Variants in SLC30A8 observed in about 807,000 individuals in gnomAD.
SLC30A8 encodes solute carrier family 30 member 8.
Under a neutral mutation model 36.9 loss-of-function variants are expected in SLC30A8, and 27 were observed. The observed-to-expected ratio is 0.73, with a 90% CI of 0.54 to 1.01. The LOEUF (loss-of-function observed/expected upper bound fraction) is 1.01. SLC30A8 is among the 50% of genes least tolerant of loss of function. The pLI is 0.00. For missense variants in SLC30A8, 439 were observed against 452.0 expected, an observed-to-expected ratio of 0.97 and a Z score of 0.26; for synonymous variants, 164 against 172.4, an observed-to-expected ratio of 0.95 and a Z score of 0.38.
chr8:117,045,709 C>T (rs981765026), intron 2 of SLC30A8, among the ~76,000 whole-genome samples: 1 of 152,194 alleles, frequency 6.6e-6, no homozygotes, highest in Non-Finnish European at 1.5e-5. Flanking sequence ...CTGCTCGCAG[C>T]AGCAGTCCTT....
At chr8:116,990,640 T>C (rs980783842) in intron 1 of SLC30A8, among the ~76,000 whole-genome samples, 2 of 152,106 alleles carry the variant, frequency 1.3e-5, no homozygotes, top group African/African-American at 4.8e-5. Flanking sequence ...CAATGTGGTG[T>C]CTCGGAATGG....
intron 2 of SLC30A8, among the ~76,000 whole-genome samples, chr8:117,040,875 C>T (rs995359567): frequency 6.6e-6 from 1 of 152,008 alleles, no homozygotes; most frequent in East Asian, 1.9e-4. Flanking sequence ...CTCCTGAATT[C>T]GAATCTACAT....
chr8:117,145,354 A>G (rs1042832367), intron 1 of SLC30A8, among the ~76,000 whole-genome samples: 1 of 151,720 alleles, frequency 6.6e-6, no homozygotes, highest in Admixed American at 6.6e-5. Flanking sequence ...TTTTCCCTCT[A>G]CTTTGTGATT....
At chr8:116,955,894 A>G (rs1814182086) in intron 1 of SLC30A8, among the ~76,000 whole-genome samples, 1 of 152,124 alleles carries the variant, frequency 6.6e-6, no homozygotes, top group Non-Finnish European at 1.5e-5. Context: ...CAGAACTGTG[A>G]GAGAAAAAAT....
At chr8:117,031,759 C>T (rs2130740826) in intron 1 of SLC30A8, among the ~76,000 whole-genome samples, 1 of 152,280 alleles carries the variant, frequency 6.6e-6, no homozygotes, top group Non-Finnish European at 1.5e-5. Flanking sequence ...CCACCGCACC[C>T]AGCCGAAATC....
chr8:117,022,249 T>C (rs187853872), intron 1 of SLC30A8, among the ~76,000 whole-genome samples: 1 of 151,758 alleles, frequency 6.6e-6, no homozygotes, highest in Non-Finnish European at 1.5e-5. Flanking sequence ...AATAGATATA[T>C]GATCTTGAGA....
intron 2 of SLC30A8, among the ~76,000 whole-genome samples, chr8:117,042,217 T>A (rs140775237): frequency 5.3e-5 from 8 of 152,330 alleles, no homozygotes; most frequent in African/African-American, 1.7e-4. Context: ...CACCCTGATA[T>A]CAGCAATAAA....
At chr8:117,018,404 T>C (rs1023538110) in intron 1 of SLC30A8, among the ~76,000 whole-genome samples, 3 of 152,194 alleles carry the variant, frequency 2.0e-5, no homozygotes, top group Admixed American at 2.0e-4. Context: ...TTCTTTTTTT[T>C]ACTAAGTCTT....
chr8:116,962,492 C>A (rs376480869), intron 1 of SLC30A8, among the ~76,000 whole-genome samples: 2 of 152,114 alleles, frequency 1.3e-5, no homozygotes. Context: ...CAATCCGTCC[C>A]CAAACTGTTC....
intron 1 of SLC30A8, among the ~76,000 whole-genome samples, chr8:116,994,597 T>G (rs538729513): frequency 6.6e-6 from 1 of 152,246 alleles, no homozygotes; most frequent in East Asian, 1.9e-4. Flanking sequence ...CTATGCCGAT[T>G]CAAACAGGAA....
rs542396240 is a variant in SLC30A8 at position 117,117,346 on chromosome 8, T to C, written c.-225-17934T>C. On this transcript the variant is annotated intron_variant, in intron 2 of 10. Coordinates refer to the SLC30A8 transcript ENST00000427715. ...GGTAAATTCATATACTCTAAATATG[T>C]GGATAATTTAGGAGTTCTGAATATG... Among the ~76,000 whole-genome samples, 13 of 152,170 alleles carry C rather than the reference T, an allele frequency of 8.5e-5. No individual in the cohort carries two copies. The East Asian group carries it at 2.5e-3, about 29-fold the overall frequency.
intron 1 of SLC30A8, among the ~76,000 whole-genome samples, chr8:117,024,321 G>A (rs753380015): frequency 2.6e-5 from 4 of 152,052 alleles, no homozygotes; most frequent in East Asian, 1.9e-4. Context: ...TTGGAGTTTC[G>A]GCTAATTCTT....
chr8:117,053,327 T>A (rs1232382758), intron 2 of SLC30A8, among the ~76,000 whole-genome samples: 1 of 152,192 alleles, frequency 6.6e-6, no homozygotes, highest in African/African-American at 2.4e-5. Flanking sequence ...TATCGTCTGG[T>A]TTCCACCCAT....
chr8:116,953,011 C>CT (rs145579955), intron 1 of SLC30A8, among the ~76,000 whole-genome samples: 2,373 of 151,258 alleles, frequency 0.016, 70 homozygotes, highest in African/African-American at 0.054. Flanking sequence ...TTTTTCAATG[C>CT]TTGCCTCCCT....
At chr8:117,000,298 C>T (rs999334905) in intron 1 of SLC30A8, among the ~76,000 whole-genome samples, 1 of 152,030 alleles carries the variant, frequency 6.6e-6, no homozygotes, top group Non-Finnish European at 1.5e-5. Flanking sequence ...TGGACCTGGG[C>T]GAGGGCAAAC....
Position 117,146,885 on chromosome 8 carries a change from C to A in SLC30A8, c.72-69C>A, listed in dbSNP as rs1463730990. 5 of 1,598,240 alleles carry A rather than the reference C, an allele frequency of 3.1e-6. No individual in the cohort carries two copies. In the South Asian group the frequency reaches 4.5e-5, roughly 14 times the overall value. Reference sequence around the variant, plus strand: ...TCCTAATAGCGGTTCCAAGTATGGGCAGGGTGGGTCAGTGAGTGGCTTGTT... The same window carrying A: ...TCCTAATAGCGGTTCCAAGTATGGGAAGGGTGGGTCAGTGAGTGGCTTGTT... On this transcript the variant is annotated intron_variant, in intron 1 of 7. Transcript: ENST00000456015.
intron 1 of SLC30A8, among the ~76,000 whole-genome samples, chr8:117,007,425 T>G (rs1241872376): frequency 6.6e-6 from 1 of 152,200 alleles, no homozygotes; most frequent in Non-Finnish European, 1.5e-5. Context: ...AAACTGAGAT[T>G]TTAGAATTGG....
intron 2 of SLC30A8, among the ~76,000 whole-genome samples, chr8:117,064,930 C>T (rs779518120): frequency 2.6e-5 from 4 of 152,152 alleles, no homozygotes; most frequent in African/African-American, 4.8e-5. Flanking sequence ...TCGATTGAAG[C>T]GTTCCCTCTA....
At chr8:117,036,896 T>C (rs1817231867) in intron 1 of SLC30A8, among the ~76,000 whole-genome samples, 1 of 152,200 alleles carries the variant, frequency 6.6e-6, no homozygotes, top group Non-Finnish European at 1.5e-5. Context: ...AAGGCCTTGA[T>C]ACTTTCTGAT....
Sources: gnomAD v4.1 joint callset for allele counts (sites outside exome capture counted in the v4.1 genomes callset) on GRCh38, gnomAD v4.1.1 for gene constraint, MANE v1.5 for transcripts, NCBI Gene and HGNC (gene_info 2026-07-23, HGNC 2026-07-21) for gene names.